RGS20: variants seen among roughly 807,000 people sequenced by gnomAD.
RGS20 encodes gz-selective GTPase-activating protein.
RGS20 carries 30 observed loss-of-function variants against 33.6 expected under a neutral mutation model. The observed-to-expected ratio is 0.89, with a 90% CI of 0.67 to 1.21. RGS20 has a LOEUF of 1.21. Ranked by LOEUF, RGS20 falls within the 50% of genes most tolerant of loss-of-function variation. The pLI is 0.00. For synonymous variants in RGS20, 208 were observed against 197.9 expected, an observed-to-expected ratio of 1.05 and a Z score of -0.43; for missense variants, 472 against 502.4, an observed-to-expected ratio of 0.94 and a Z score of 0.58.
chr8:53,895,111 G>T (rs1240064274), intron 2 of RGS20, among the ~76,000 whole-genome samples: 1 of 152,170 alleles, frequency 6.6e-6, no homozygotes, highest in African/African-American at 2.4e-5. Context: ...TAGCGGGGAT[G>T]CAGTGCAGGC....
At chr8:53,869,391 A>AG (rs1812002156) in intron 1 of RGS20, among the ~76,000 whole-genome samples, 1 of 152,128 alleles carries the variant, frequency 6.6e-6, no homozygotes, top group African/African-American at 2.4e-5. Flanking sequence ...AAATTAAAAT[A>AG]GGGGCTGGGT....
At chr8:53,903,003 G>A (rs1813072945) in intron 2 of RGS20, among the ~76,000 whole-genome samples, 1 of 152,186 alleles carries the variant, frequency 6.6e-6, no homozygotes, top group African/African-American at 2.4e-5. Flanking sequence ...TGGGATCACA[G>A]GTGTGAGCCA....
chr8:53,958,305 C>T lies in RGS20; in HGVS notation c.1014C>T (p.Asn338=), dbSNP rs754502705. The T allele has an allele frequency of 1.9e-6, 3 of 1,613,256 alleles. No homozygotes were observed. The highest frequency in any genetic ancestry group is 2.5e-6 in the Non-Finnish European group (3 of 1,179,646). The change falls in exon 6 of 6, where the codon AAC becomes AAT. Residue 338 remains asparagine, a synonymous_variant. Coordinates refer to ENST00000297313, the MANE Select transcript of RGS20 (RefSeq NM_170587.4). ...ACTCCCGGGTGAGAGAAGTGATCAA[C>T]AGAAACATGGTGGAGCCATCCCAAC...
chr8:53,886,584 T>TTCATGTGAGCA (rs1812553539), intron 2 of RGS20, among the ~76,000 whole-genome samples: 1 of 152,246 alleles, frequency 6.6e-6, no homozygotes. Flanking sequence ...GCATTTGGGT[T>TTCATGTGAGCA]TTAGGCAAAG....
chr8:53,880,782 C>A, intron 2 of RGS20, 90 bp from the exon 1 acceptor site: 7 of 1,234,870 alleles, frequency 5.7e-6, no homozygotes, highest in Non-Finnish European at 7.4e-6. Flanking sequence ...ACCCCTAGCA[C>A]CCGCGGCGGT....
At chr8:53,940,876 C>T (rs139951965) in intron 3 of RGS20, among the ~76,000 whole-genome samples, 2,344 of 152,276 alleles carry the variant, frequency 0.015, 27 homozygotes, top group Middle Eastern at 0.088. Flanking sequence ...ACGTGGGTGT[C>T]CAGGGCCTGC....
intron 2 of RGS20, among the ~76,000 whole-genome samples, chr8:53,895,545 T>A (rs1658615087): frequency 6.6e-6 from 1 of 152,200 alleles, no homozygotes; most frequent in Admixed American, 6.5e-5. Flanking sequence ...TATGAAGAAT[T>A]TCTGTTTATG....
chr8:53,951,480 C>A (rs1207206063), intron 4 of RGS20, among the ~76,000 whole-genome samples: 3 of 151,526 alleles, frequency 2.0e-5, no homozygotes, highest in Non-Finnish European at 4.4e-5. Flanking sequence ...CACAGTGATA[C>A]CCTGTATCAG....
At chr8:53,923,200 G>T (rs182466254) in intron 2 of RGS20, among the ~76,000 whole-genome samples, 181 of 152,148 alleles carry the variant, frequency 1.2e-3, no homozygotes, top group Admixed American at 3.3e-3. Context: ...CCAAAGTGCT[G>T]GGATTACAGG....
Position 53,879,138 on chromosome 8 carries a change from A to G in RGS20, c.166-120A>G. 6 of 772,804 alleles carry G rather than the reference A, an allele frequency of 7.8e-6. No individual in the cohort carries two copies. In the South Asian group the frequency reaches 9.8e-5, roughly 13 times the overall value. 47.9% of individuals were successfully genotyped at this position (772,804 alleles called of 1,614,324 possible). A position where few individuals can be genotyped will look rare whatever the true frequency, so the allele number is the denominator to read the frequency against. ...ACTATAGGCCTTTCCTTCTGCTTTCACCGACCTTCTCTTGCACCCCCAAAG... is the reference window on the plus strand; with the variant it reads ...ACTATAGGCCTTTCCTTCTGCTTTCGCCGACCTTCTCTTGCACCCCCAAAG... On this transcript the variant is annotated intron_variant, in intron 1 of 5. Transcript: ENST00000297313.
intron 1 of RGS20, among the ~76,000 whole-genome samples, chr8:53,865,702 G>T (rs1048079806): frequency 6.6e-6 from 1 of 152,216 alleles, no homozygotes; most frequent in Non-Finnish European, 1.5e-5. Context: ...TGCCTCCTGG[G>T]CTCAAGCTGT....
chr8:53,930,260 A>G (rs181552717), intron 2 of RGS20, among the ~76,000 whole-genome samples: 16 of 152,370 alleles, frequency 1.1e-4, no homozygotes, highest in Admixed American at 1.0e-3. Context: ...ATGCTAAAAT[A>G]TCTACTTAGA....
chr8:53,887,532 G>C (rs1224359232), intron 2 of RGS20, among the ~76,000 whole-genome samples: 1 of 152,210 alleles, frequency 6.6e-6, no homozygotes, highest in Non-Finnish European at 1.5e-5. Context: ...GGGTTAGACT[G>C]TGGACACAAG....
intron 2 of RGS20, among the ~76,000 whole-genome samples, chr8:53,896,395 C>T (rs1370806446): frequency 5.3e-5 from 8 of 152,144 alleles, no homozygotes; most frequent in African/African-American, 9.7e-5. Flanking sequence ...GTTTGAGCTG[C>T]CTTTGTGATA....
intron 2 of RGS20, among the ~76,000 whole-genome samples, chr8:53,919,473 C>T (rs939400372): frequency 6.6e-6 from 1 of 151,958 alleles, no homozygotes; most frequent in African/African-American, 2.4e-5. Context: ...TCCTGAGTAG[C>T]TGGGATTACA....
chr8:53,935,724 G>A (rs1814111412), intron 2 of RGS20, among the ~76,000 whole-genome samples: 1 of 152,148 alleles, frequency 6.6e-6, no homozygotes, highest in Non-Finnish European at 1.5e-5. Flanking sequence ...AATAGAAAAA[G>A]AGGGACTCCT....
intron 2 of RGS20, among the ~76,000 whole-genome samples, chr8:53,885,817 C>T (rs976734965): frequency 1.1e-4 from 15 of 131,778 alleles, no homozygotes; most frequent in African/African-American, 3.8e-4. Context: ...TTTTTTGACT[C>T]CAAGAAACCT....
chr8:53,898,229 G>C (rs1351378766), intron 2 of RGS20, among the ~76,000 whole-genome samples: 2 of 152,124 alleles, frequency 1.3e-5, no homozygotes, highest in Admixed American at 6.6e-5. Context: ...CTGTTAATTT[G>C]GAGAATGTTC....
At chr8:53,866,450 C>T (rs1411257294) in intron 1 of RGS20, among the ~76,000 whole-genome samples, 1 of 151,792 alleles carries the variant, frequency 6.6e-6, no homozygotes, top group Non-Finnish European at 1.5e-5. Flanking sequence ...AATCTCGGCT[C>T]ACTGCAACCT....
Sources: gnomAD v4.1 joint callset for allele counts (sites outside exome capture counted in the v4.1 genomes callset) on GRCh38, gnomAD v4.1.1 for gene constraint, MANE v1.5 for transcripts, NCBI Gene and HGNC (gene_info 2026-07-23, HGNC 2026-07-21) for gene names.